Variants in MAST2 observed in about 807,000 individuals in gnomAD.
The protein encoded by MAST2 is microtubule associated serine/threonine kinase 2.
A neutral mutation model predicts 147.4 loss-of-function variants in MAST2; 70 were observed. The ratio of observed to expected loss-of-function variants is 0.47; its 90% CI spans 0.39 to 0.58. The LOEUF (loss-of-function observed/expected upper bound fraction) is 0.58, where lower values mean the gene tolerates loss of function less well. MAST2 is among the 20% of genes least tolerant of loss of function. MAST2 has a pLI of 0.00. For missense variants in MAST2, 2,080 were observed against 2,302.3 expected, an observed-to-expected ratio of 0.90 and a Z score of 1.98; for synonymous variants, 869 against 896.8, an observed-to-expected ratio of 0.97 and a Z score of 0.55.
intron 4 of MAST2, among the ~76,000 whole-genome samples, chr1:45,898,616 G>A (rs757839272): frequency 6.6e-6 from 1 of 152,084 alleles, no homozygotes; most frequent in Non-Finnish European, 1.5e-5. Context: ...AGACCCCTTT[G>A]TAGCTCCCAG....
intron 18 of MAST2, 167 bp from the exon 19 acceptor site, chr1:46,029,299 G>A (rs923412114): frequency 1.2e-5 from 7 of 594,596 alleles, no homozygotes; most frequent in African/African-American, 7.4e-5. Flanking sequence ...TCAAGCTATG[G>A]TCTAGGAACC....
chr1:46,023,216 T>G lies in MAST2; in HGVS notation c.1486-17T>G. The G allele has an allele frequency of 6.2e-7, 1 of 1,611,280 alleles. No homozygotes were observed. Among genetic ancestry groups the G allele is most frequent in the Non-Finnish European group, 8.5e-7 (1 of 1,177,358 alleles). On this transcript the variant is annotated splice_polypyrimidine_tract_variant and intron_variant, in intron 13 of 28. Coordinates refer to ENST00000361297, the MANE Select transcript of MAST2 (RefSeq NM_015112.3). The surrounding 1 kb of genome is among the most constrained non-coding windows in gnomAD (Gnocchi z 4.9). ...TGAGAAGCATGCCTGTCTCCTGCCTTTTCCCTTGTCTTCCAGGGCCATGGG... is the reference window on the plus strand; with the variant it reads ...TGAGAAGCATGCCTGTCTCCTGCCTGTTCCCTTGTCTTCCAGGGCCATGGG...
chr1:45,934,527 G>A (rs1655893037), intron 4 of MAST2, among the ~76,000 whole-genome samples: 2 of 152,104 alleles, frequency 1.3e-5, no homozygotes, highest in South Asian at 2.1e-4. Context: ...CTGGGTTCAA[G>A]TGATTCTCAT....
Position 45,911,752 on chromosome 1 carries a change from G to T in MAST2, c.500+29357G>T, listed in dbSNP as rs1651682865. On this transcript the variant is annotated intron_variant, in intron 4 of 28. Coordinates refer to ENST00000361297, the MANE Select transcript of MAST2 (RefSeq NM_015112.3). ...AGTACATATATCATATGGCTATGAT[G>T]AGTACTACATGAATATTAATGTGTA... 1.3e-5 allele frequency among the ~76,000 whole-genome samples: 2 copies of T among 150,706 alleles called. 1 individual carries two copies. The highest frequency in any genetic ancestry group is 4.9e-5 in the African/African-American group (2 of 41,144).
chr1:46,026,833 A>G (rs1271861281), intron 16 of MAST2, among the ~76,000 whole-genome samples: 1 of 152,190 alleles, frequency 6.6e-6, no homozygotes, highest in Non-Finnish European at 1.5e-5. Context: ...CCTGAATTCA[A>G]ATGGCCACTC....
intron 1 of MAST2, among the ~76,000 whole-genome samples, chr1:45,823,182 A>G (rs913166370): frequency 1.3e-5 from 2 of 151,570 alleles, no homozygotes; most frequent in African/African-American, 4.8e-5. Flanking sequence ...ATCACAATAT[A>G]TAACTGTATA....
chr1:46,020,313 AG>A (rs1243108667), intron 11 of MAST2, among the ~76,000 whole-genome samples: 1 of 152,072 alleles, frequency 6.6e-6, no homozygotes, highest in Non-Finnish European at 1.5e-5. Flanking sequence ...GATGAGTCTA[AG>A]TTTCCCAGAT....
chr1:45,939,703 C>T (rs1396985859), intron 4 of MAST2, among the ~76,000 whole-genome samples: 1 of 152,084 alleles, frequency 6.6e-6, no homozygotes, highest in Non-Finnish European at 1.5e-5. Flanking sequence ...CCACACCTGG[C>T]TAATTTTTTT....
intron 4 of MAST2, among the ~76,000 whole-genome samples, chr1:45,958,513 CCTCCCTCTCTCTCTCT>C (rs1465142735): frequency 6.6e-6 from 1 of 150,448 alleles, no homozygotes; most frequent in Non-Finnish European, 1.5e-5. Context: ...CCTCTCCCTC[CCTCCCTCTCTCTCTCT>C]CTCCCTCTAT....
chr1:45,959,965 CTCTCTATG>C (rs1467128877), intron 5 of MAST2, among the ~76,000 whole-genome samples: 2 of 152,130 alleles, frequency 1.3e-5, no homozygotes, highest in African/African-American at 2.4e-5. Flanking sequence ...GAAACGAGGT[CTCTCTATG>C]TTGCCCAGGC....
intron 4 of MAST2, among the ~76,000 whole-genome samples, chr1:45,944,114 C>T (rs1324848395): frequency 6.6e-6 from 1 of 152,172 alleles, no homozygotes; most frequent in Non-Finnish European, 1.5e-5. Context: ...TTTAAACATG[C>T]CACTATAGCT....
chr1:45,942,161 T>A (rs1043199239), intron 4 of MAST2, among the ~76,000 whole-genome samples: 5 of 147,618 alleles, frequency 3.4e-5, no homozygotes, highest in African/African-American at 1.3e-4. Flanking sequence ...TTTTTTTTTT[T>A]AACTGAACCA....
chr1:45,829,617 A>T, intron 3 of MAST2, 36 bp downstream of exon 3: 1 of 1,585,492 alleles, frequency 6.3e-7, no homozygotes. Context: ...TGCTCTATGA[A>T]AAATCCATAA....
At chr1:46,024,060 T>G in intron 15 of MAST2, 80 bp downstream of exon 15, 3 of 1,400,482 alleles carry the variant, frequency 2.1e-6, no homozygotes, top group Non-Finnish European at 3.0e-6. Flanking sequence ...AGCAGCTTTG[T>G]ACAGAGGTGA....
At chr1:45,986,482 G>A (rs1644622848) in intron 5 of MAST2, among the ~76,000 whole-genome samples, 1 of 152,048 alleles carries the variant, frequency 6.6e-6, no homozygotes, top group South Asian at 2.1e-4. Flanking sequence ...TTGGGAGGCC[G>A]AGGCGGGCGG....
intron 4 of MAST2, among the ~76,000 whole-genome samples, chr1:45,888,362 T>A (rs1346757565): frequency 1.3e-5 from 2 of 152,142 alleles, no homozygotes; most frequent in African/African-American, 4.8e-5. Context: ...TCTTTATTTT[T>A]ATTTTATTTT....
At chr1:45,882,339 A>T (rs766208269) in intron 3 of MAST2, 25 bp from the exon 4 acceptor site, 1 of 1,599,704 alleles carries the variant, frequency 6.3e-7, no homozygotes, top group Non-Finnish European at 8.6e-7. Context: ...TCTTATTTCT[A>T]ACTTGCATAT....
At chr1:45,854,540 T>C (rs1485159432) in intron 3 of MAST2, among the ~76,000 whole-genome samples, 1 of 152,180 alleles carries the variant, frequency 6.6e-6, no homozygotes, top group African/African-American at 2.4e-5. Flanking sequence ...TTTTTTTCTT[T>C]CTACATAAAT....
chr1:45,911,039 G>A (rs1351570138), intron 4 of MAST2, among the ~76,000 whole-genome samples: 1 of 152,148 alleles, frequency 6.6e-6, no homozygotes, highest in Admixed American at 6.5e-5. Flanking sequence ...TTATTTTGCA[G>A]GATCTCTAAA....
Sources: allele counts gnomAD v4.1 joint callset (sites outside exome capture counted in the v4.1 genomes callset), GRCh38; gene constraint gnomAD v4.1.1; non-coding constraint Gnocchi (gnomAD v3.1); transcripts MANE v1.5; gene names NCBI Gene and HGNC (gene_info 2026-07-23, HGNC 2026-07-21).